EMC3: variants seen among roughly 807,000 people sequenced by gnomAD.
EMC3 encodes the protein 30 kDa protein.
In EMC3, 13 loss-of-function variants were observed where a neutral mutation model predicts 36.6. That is an observed-to-expected ratio of 0.35 (90% confidence interval 0.23 to 0.56). The LOEUF is 0.56. Ranked by LOEUF, EMC3 falls within the 20% of genes least tolerant of loss-of-function variation. The pLI, the probability that EMC3 is intolerant of heterozygous loss-of-function variation, is 0.84. For missense variants in EMC3, 220 were observed against 324.5 expected (o/e 0.68, Z 2.47); for synonymous variants, 120 against 111.9 (o/e 1.07, Z -0.46).
At chr3:10,007,441 C>T (rs769578121) in intron 1 of EMC3, 2 of 1,367,494 alleles carry the variant, frequency 1.5e-6, no homozygotes, top group African/African-American at 3.0e-5. Context: ...CTTAGGGGGC[C>T]ACTTGTTCTG....
intron 5 of EMC3, 118 bp from the exon 6 acceptor site, chr3:9,970,779 T>C (rs2085777290): frequency 1.2e-6 from 1 of 863,764 alleles, no homozygotes; most frequent in South Asian, 1.5e-5. Flanking sequence ...TTGGATGGGC[T>C]ATATTCATCC....
At chr3:9,997,564 A>G (rs1276781751) in intron 1 of EMC3, among the ~76,000 whole-genome samples, 1 of 152,250 alleles carries the variant, frequency 6.6e-6, no homozygotes, top group East Asian at 1.9e-4. Flanking sequence ...GGTTCAAGCA[A>G]TTCTCTTGCC....
chr3:9,986,417 C>T (rs757408659), intron 1 of EMC3, 90 bp downstream of exon 1: 5 of 1,494,454 alleles, frequency 3.3e-6, no homozygotes, highest in Non-Finnish European at 3.7e-6. Flanking sequence ...GGGGGCGCGA[C>T]GTGAACCTAG....
At chr3:9,990,463 T>C (rs890995927), upstream of EMC3, among the ~76,000 whole-genome samples, 1 of 150,516 alleles carries the variant, frequency 6.6e-6, no homozygotes, top group Non-Finnish European at 1.5e-5. Context: ...GTCTTTGGAG[T>C]AGCTGGGACT....
At chr3:9,968,668 G>A (rs62245485) in intron 7 of EMC3, 14,570 of 151,500 alleles carry the variant, frequency 0.096, 1,066 homozygotes, top group African/African-American at 0.21. Context: ...TTTTTGAGAC[G>A]GAATCTTGGT....
At chr3:9,969,259 CG>C in intron 7 of EMC3, 7 of 996,862 alleles carry the variant, frequency 7.0e-6, no homozygotes, top group Non-Finnish European at 8.7e-6. Context: ...TGTGCCTGGC[CG>C]GAACTTCCCT....
At chr3:10,007,378 C>A (rs1449269055) in intron 1 of EMC3, 1 of 1,364,818 alleles carries the variant, frequency 7.3e-7, no homozygotes, top group Admixed American at 1.9e-5. Flanking sequence ...ATCCTGAAGC[C>A]CTGGGAACCA....
chr3:9,988,309 A>C, upstream of EMC3: 1 of 748,982 alleles, frequency 1.3e-6, no homozygotes, highest in Non-Finnish European at 2.4e-6. Context: ...GCAGGAATTC[A>C]CATCTTGTAA....
intron 1 of EMC3, among the ~76,000 whole-genome samples, chr3:9,992,121 T>C (rs1409243703): frequency 6.6e-6 from 1 of 151,750 alleles, no homozygotes; most frequent in Non-Finnish European, 1.5e-5. Flanking sequence ...TTAAATTTTG[T>C]AATTAAAAAG....
chr3:9,978,684 G>T (rs1320385258), intron 1 of EMC3, among the ~76,000 whole-genome samples: 1 of 151,546 alleles, frequency 6.6e-6, no homozygotes, highest in East Asian at 2.0e-4. Flanking sequence ...ATAAAAATTA[G>T]CCGGGTGTGG....
intron 1 of EMC3, chr3:10,006,903 T>C (rs1159830418): frequency 8.9e-6 from 3 of 336,478 alleles, no homozygotes. Flanking sequence ...GCCCAGGTTG[T>C]CGTCTGCCCG....
intron 1 of EMC3, among the ~76,000 whole-genome samples, chr3:9,979,931 G>A (rs2085891386): frequency 6.6e-6 from 1 of 152,040 alleles, no homozygotes; most frequent in Non-Finnish European, 1.5e-5. Flanking sequence ...ACTGGAAAAA[G>A]GAGAACTATA....
chr3:9,983,556 C>T (rs2085935302), intron 1 of EMC3, among the ~76,000 whole-genome samples: 1 of 152,042 alleles, frequency 6.6e-6, no homozygotes, highest in African/African-American at 2.4e-5. Context: ...CCGCTAATCG[C>T]AGCCACTCGA....
upstream of EMC3, chr3:9,987,987 A>G (rs1461638650): frequency 1.4e-5 from 13 of 930,954 alleles, no homozygotes; most frequent in Non-Finnish European, 2.3e-5. Context: ...AAGTAAAGTT[A>G]AAAAGTAAAG....
In EMC3 at chr3:9,974,256, C is replaced by T. The variant is rs2085820802; in HGVS notation, c.412+128G>A. The stretch of plus-strand genomic sequence containing the variant: ...TGGGCAAAAGCCGTAAAAGTCATCA[C>T]ATATTAAATTTTTTGTTCAAGGACT... On this transcript the variant is annotated intron_variant, in intron 4 of 7. Coordinates refer to ENST00000245046, the MANE Select transcript of EMC3 (RefSeq NM_001394674.1). 1.7e-5 allele frequency: 11 copies of T among 655,156 alleles called. No individual in the cohort carries two copies. The South Asian group carries it at 2.1e-4, about 13-fold the overall frequency. The allele number at this position is 655,156 out of a possible 1,614,324, so 40.6% of individuals were successfully genotyped here.
upstream of EMC3, chr3:9,987,343 T>C (rs750547112): frequency 1.3e-5 from 13 of 983,358 alleles, no homozygotes; most frequent in Non-Finnish European, 1.3e-5. Context: ...CGGGCCGCGG[T>C]CGGCGTTCTT....
At chr3:10,000,555 T>C in intron 1 of EMC3, 1 of 289,742 alleles carries the variant, frequency 3.5e-6, no homozygotes. Context: ...ATCTGATTTC[T>C]GGTGTATGAG....
At position 9,963,454 on chromosome 3, in the gene EMC3, G is replaced by GATATATATATATAT. The variant is rs1553602259; in HGVS notation, c.*601_*614dup. 15 of 99,694 alleles carry GATATATATATATAT rather than the reference G, an allele frequency of 1.5e-4. No individual in the cohort carries two copies. Among genetic ancestry groups the GATATATATATATAT allele is most frequent in the Admixed American group, 3.4e-4 (3 of 8,902 alleles). 6.2% of individuals were successfully genotyped at this position (99,694 alleles called of 1,614,324 possible). On this transcript the variant is annotated 3_prime_UTR_variant, in exon 8 of 8. Transcript: ENST00000245046. ...CGAAGACTGGGCTTCTGCTAAGATA[G>GATATATATATATAT]ATATATATATATATATATATATATT...
intron 1 of EMC3, chr3:10,007,621 G>A (rs1215650394): frequency 2.6e-5 from 36 of 1,365,490 alleles, no homozygotes; most frequent in Non-Finnish European, 3.4e-5. Flanking sequence ...CACAGCAGCA[G>A]CCCTGAGGGA....
Sources: gnomAD v4.1 joint callset for allele counts (sites outside exome capture counted in the v4.1 genomes callset) on GRCh38, gnomAD v4.1.1 for gene constraint, MANE v1.5 for transcripts, NCBI Gene and HGNC (gene_info 2026-07-23, HGNC 2026-07-21) for gene names.